NCKAP5: variants seen among roughly 807,000 people sequenced by gnomAD.
NCKAP5 encodes the protein nck-associated protein 5.
Under a neutral mutation model 167.0 loss-of-function variants are expected in NCKAP5, and 92 were observed. The ratio of observed to expected loss-of-function variants is 0.55; its 90% CI spans 0.47 to 0.66. NCKAP5 has a LOEUF of 0.66. Among genes scored for constraint, NCKAP5 ranks in the 30% least tolerant of loss-of-function variants. The pLI is 0.00. For missense variants in NCKAP5, 2,378 were observed against 2,315.0 expected (o/e 1.03, Z -0.56); for synonymous variants, 891 against 877.4 (o/e 1.02, Z -0.27).
chr2:132,951,242 G>T (rs2076178232), intron 8 of NCKAP5, among the ~76,000 whole-genome samples: 1 of 152,266 alleles, frequency 6.6e-6, no homozygotes, highest in South Asian at 2.1e-4. Context: ...ACTCTGAAAG[G>T]GAGGCTGAGC....
rs189310435 is a variant in NCKAP5, at chr2:132,946,859, C to G, written c.579+16861G>C. Among the ~76,000 whole-genome samples the G allele has an allele frequency of 1.6e-4, 25 of 152,306 alleles. No homozygotes were observed. In the East Asian group the frequency reaches 4.8e-3, roughly 29 times the overall value. On this transcript the variant is annotated intron_variant, in intron 8 of 19. Coordinates refer to ENST00000409261, the MANE Select transcript of NCKAP5 (RefSeq NM_207363.3). The stretch of plus-strand genomic sequence containing the variant: ...GTTGCAGTGAGCCGAGATGGCGCCA[C>G]CGCACTCCAGCCTGAGCAACAGAGC...
the NCKAP5 span, among the ~76,000 whole-genome samples, chr2:133,595,827 T>C: frequency 3.9e-5 from 6 of 152,178 alleles, no homozygotes; most frequent in Non-Finnish European, 8.8e-5. Flanking sequence ...CCACTGACTC[T>C]TTATCTATAG....
chr2:133,320,086 A>C (rs1003697802), intron 3 of NCKAP5, among the ~76,000 whole-genome samples: 3 of 152,138 alleles, frequency 2.0e-5, no homozygotes, highest in Non-Finnish European at 4.4e-5. Context: ...TGGATGCAAA[A>C]ATCACAAGGA....
Position 133,115,795 on chromosome 2 carries a change from A to AG in NCKAP5, c.341+14182_341+14183insC, listed in dbSNP as rs1316974933. 7.6e-4 allele frequency among the ~76,000 whole-genome samples: 92 copies of AG among 120,748 alleles called. 1 individual carries two copies. Among genetic ancestry groups the AG allele is most frequent in the African/African-American group, 3.7e-3 (86 of 23,154 alleles). 79.2% of individuals were successfully genotyped at this position (120,748 alleles called of 152,430 possible). On this transcript the variant is annotated intron_variant, in intron 6 of 19. Coordinates refer to ENST00000409261, the MANE Select transcript of NCKAP5 (RefSeq NM_207363.3). ...TGTGTGTATATATATATATATATAT[A>AG]TATATATATATATATATATATAGTG...
intron 4 of NCKAP5, among the ~76,000 whole-genome samples, chr2:133,299,562 C>A (rs528662246): frequency 8.5e-4 from 130 of 152,228 alleles, no homozygotes; most frequent in African/African-American, 3.0e-3. Flanking sequence ...GCCTGGCCAA[C>A]ATGGTGAAAC....
intron 16 of NCKAP5, among the ~76,000 whole-genome samples, chr2:132,735,355 A>G (rs56209331): frequency 0.22 from 33,083 of 152,074 alleles, 3,902 homozygotes; most frequent in Non-Finnish European, 0.28. Flanking sequence ...GTGAGTTCAC[A>G]TGAAATCTGG....
At chr2:132,850,943 A>G (rs1005571144) in intron 11 of NCKAP5, among the ~76,000 whole-genome samples, 3 of 152,030 alleles carry the variant, frequency 2.0e-5, no homozygotes, top group African/African-American at 7.2e-5. Context: ...AGGGTCTGTG[A>G]CATACAGGGC....
At chr2:133,496,125 T>A (rs1441277120) in intron 3 of NCKAP5, among the ~76,000 whole-genome samples, 1 of 152,190 alleles carries the variant, frequency 6.6e-6, no homozygotes, top group East Asian at 1.9e-4. Flanking sequence ...GCTTAACAAA[T>A]CAGCCCTTGA....
chr2:133,232,169 T>C (rs2087182364), intron 4 of NCKAP5, among the ~76,000 whole-genome samples: 1 of 152,124 alleles, frequency 6.6e-6, no homozygotes, highest in African/African-American at 2.4e-5. Flanking sequence ...AAAGGCATAA[T>C]ATTCAAAAGT....
At chr2:133,399,975 A>G (rs1247326788) in intron 3 of NCKAP5, among the ~76,000 whole-genome samples, 1 of 152,176 alleles carries the variant, frequency 6.6e-6, no homozygotes, top group East Asian at 1.9e-4. Flanking sequence ...CTGTAATACT[A>G]TATGTCTGCA....
intron 6 of NCKAP5, among the ~76,000 whole-genome samples, chr2:133,010,417 C>T (rs1022426200): frequency 6.6e-6 from 1 of 152,206 alleles, no homozygotes; most frequent in Non-Finnish European, 1.5e-5. Flanking sequence ...GTTATGTTCA[C>T]TGCTACATAC....
rs549652887 is a variant in NCKAP5 at position 132,819,966 on chromosome 2, A to T, written c.808-23237T>A. On this transcript the variant is annotated intron_variant, in intron 11 of 19. Coordinates refer to ENST00000409261, the MANE Select transcript of NCKAP5 (RefSeq NM_207363.3). ...TGTAAAATTCTCAGTGTAGGGAGGT[A>T]TTCTCATAGGTAGTTTCAAGGCTTT... Among the ~76,000 whole-genome samples the T allele has an allele frequency of 6.6e-5, 10 of 152,304 alleles. No homozygotes were observed. In the East Asian group the frequency reaches 1.7e-3, roughly 26 times the overall value.
At chr2:133,333,435 C>T (rs1683001474) in intron 3 of NCKAP5, among the ~76,000 whole-genome samples, 1 of 152,114 alleles carries the variant, frequency 6.6e-6, no homozygotes, top group South Asian at 2.1e-4. Flanking sequence ...AATGTTAATG[C>T]TCTCTGCTTT....
chr2:133,001,107 T>G (rs1324712538), intron 6 of NCKAP5, among the ~76,000 whole-genome samples: 5 of 152,164 alleles, frequency 3.3e-5, no homozygotes, highest in African/African-American at 1.2e-4. Flanking sequence ...ATTTAAGATT[T>G]ATGTATTTCA....
intron 8 of NCKAP5, among the ~76,000 whole-genome samples, chr2:132,886,359 T>C (rs942683991): frequency 6.6e-5 from 10 of 152,236 alleles, no homozygotes; most frequent in Non-Finnish European, 1.5e-4. Context: ...TCCTTTTACC[T>C]CTTAATACTT....
chr2:133,230,573 C>A (rs2087098265), intron 4 of NCKAP5, among the ~76,000 whole-genome samples: 1 of 150,796 alleles, frequency 6.6e-6, no homozygotes, highest in South Asian at 2.1e-4. Flanking sequence ...TTTTTGCAAA[C>A]TTCTTCTCTT....
intron 8 of NCKAP5, among the ~76,000 whole-genome samples, chr2:132,939,690 G>A (rs1299149149): frequency 6.6e-6 from 1 of 152,082 alleles, no homozygotes; most frequent in African/African-American, 2.4e-5. Context: ...CCCAAGCAGT[G>A]TACATTGTAC....
At chr2:133,038,951 CAA>C (rs2079123320) in intron 6 of NCKAP5, among the ~76,000 whole-genome samples, 1 of 152,050 alleles carries the variant, frequency 6.6e-6, no homozygotes, top group Non-Finnish European at 1.5e-5. Flanking sequence ...CAAAAATGTC[CAA>C]AAACATTGCA....
chr2:133,069,394 G>C (rs1233062751), intron 6 of NCKAP5, among the ~76,000 whole-genome samples: 1 of 152,160 alleles, frequency 6.6e-6, no homozygotes, highest in Non-Finnish European at 1.5e-5. Context: ...TCCCCAGCCA[G>C]AGATCCCTAC....
Sources: allele counts gnomAD v4.1 joint callset (sites outside exome capture counted in the v4.1 genomes callset), GRCh38; gene constraint gnomAD v4.1.1; transcripts MANE v1.5; gene names NCBI Gene and HGNC (gene_info 2026-07-23, HGNC 2026-07-21).